The following KIF1B variants were observed in gnomAD, a reference collection of about 807,000 sequenced individuals.
The protein encoded by KIF1B is kinesin-like protein KIF1B.
Under a neutral mutation model 241.9 loss-of-function variants are expected in KIF1B, and 76 were observed. The observed-to-expected ratio is 0.31, with a 90% CI of 0.26 to 0.38. The LOEUF (loss-of-function observed/expected upper bound fraction) is 0.38. Among genes scored for constraint, KIF1B ranks in the 10% least tolerant of loss-of-function variants. The pLI is 1.00. For synonymous variants in KIF1B, 750 were observed against 796.7 expected (o/e 0.94, Z 0.99); for missense variants, 1,622 against 2,271.4 (o/e 0.71, Z 5.81).
chr1:10,334,383 GGC>G lies in KIF1B; in HGVS notation c.2925-136_2925-135del, dbSNP rs1408025928. Reference sequence around the variant, plus strand: ...AAGGCAGCTGGAGGCAAATCTGAGAGGCTAGGACTGAGAAGGGGTCTTAAGAC... The same window carrying G: ...AAGGCAGCTGGAGGCAAATCTGAGAGTAGGACTGAGAAGGGGTCTTAAGAC... On this transcript the variant is annotated intron_variant, in intron 27 of 48. Coordinates refer to ENST00000676179, the MANE Select transcript of KIF1B (RefSeq NM_001365951.3). 5.2e-6 allele frequency: 4 copies of G among 764,930 alleles called. 1 individual carries two copies. In the African/African-American group the frequency reaches 6.8e-5, roughly 13 times the overall value. 47.4% of individuals were successfully genotyped at this position (764,930 alleles called of 1,614,324 possible).
intron 2 of KIF1B, among the ~76,000 whole-genome samples, chr1:10,245,283 G>C (rs1647194373): frequency 6.6e-6 from 1 of 152,202 alleles, no homozygotes; most frequent in Non-Finnish European, 1.5e-5. Flanking sequence ...TAAAATTAGG[G>C]AATTTAGTAG....
intron 1 of KIF1B, among the ~76,000 whole-genome samples, chr1:10,226,631 C>G (rs916144535): frequency 2.0e-5 from 3 of 152,158 alleles, no homozygotes; most frequent in African/African-American, 7.2e-5. Context: ...TCCTTAATAT[C>G]ATCTAATACC....
intron 24 of KIF1B, among the ~76,000 whole-genome samples, chr1:10,323,122 A>G (rs1258799043): frequency 6.6e-6 from 1 of 152,032 alleles, no homozygotes; most frequent in African/African-American, 2.4e-5. Flanking sequence ...TCGGCCTTCT[A>G]GTGTGCTGGG....
At chr1:10,347,622 T>C (rs1652633016) in intron 35 of KIF1B, 139 bp from the exon 36 acceptor site, 1 of 714,920 alleles carries the variant, frequency 1.4e-6, no homozygotes. Flanking sequence ...GATGAGTAAA[T>C]GCAAATGACT....
In KIF1B at chr1:10,297,055, A is replaced by G; in HGVS notation, c.2020A>G (p.Met674Val). 1 of 1,614,064 alleles carries G rather than the reference A, an allele frequency of 6.2e-7. No homozygotes were observed. The highest frequency in any genetic ancestry group is 8.5e-7 in the Non-Finnish European group (1 of 1,180,002). ...RELLEKQGID[M>V]KQEMEKRLQE... ...GCTTCTGGAAAAACAAGGAATTGATATGAAACAAGAGATGGAGAAAAGGTA... is the reference window on the plus strand; with the variant it reads ...GCTTCTGGAAAAACAAGGAATTGATGTGAAACAAGAGATGGAGAAAAGGTA... The change falls in exon 21 of 49, where the codon ATG becomes GTG. Residue 674 changes from methionine to valine, a missense_variant. Met to Val is a conservative substitution (Grantham distance 21). Coordinates refer to ENST00000676179, the MANE Select transcript of KIF1B (RefSeq NM_001365951.3).
intron 2 of KIF1B, among the ~76,000 whole-genome samples, chr1:10,245,922 C>G (rs1179777498): frequency 6.6e-6 from 1 of 152,176 alleles, no homozygotes; most frequent in Non-Finnish European, 1.5e-5. Context: ...GTTGGTTATT[C>G]TTTACCTCCT....
chr1:10,232,780 T>G (rs1215962136), intron 2 of KIF1B, among the ~76,000 whole-genome samples: 1 of 152,156 alleles, frequency 6.6e-6, no homozygotes, highest in African/African-American at 2.4e-5. Flanking sequence ...AGATTCATTG[T>G]TTTTCTTTCT....
At chr1:10,298,105 CA>C (rs1182005480) in intron 22 of KIF1B, among the ~76,000 whole-genome samples, 1 of 152,216 alleles carries the variant, frequency 6.6e-6, no homozygotes, top group Admixed American at 6.5e-5. Context: ...AGAACCTTCT[CA>C]GCATTCATTT....
intron 1 of KIF1B, among the ~76,000 whole-genome samples, chr1:10,227,339 C>T (rs1646923365): frequency 6.6e-6 from 1 of 152,040 alleles, no homozygotes; most frequent in Non-Finnish European, 1.5e-5. Context: ...GGCCCACAAG[C>T]CCAGGGTTAT....
rs575918242 is a variant in KIF1B, at chr1:10,271,757, T to C, written c.798+178T>C. ...TATGGCCCAGAAAACCTAAAATAAT[T>C]TGTGTCTGTCCTTCTACGGAAAAAT... On this transcript the variant is annotated intron_variant, in intron 8 of 48. Transcript: ENST00000676179. Among the ~76,000 whole-genome samples, 15 of 152,308 alleles carry C rather than the reference T, an allele frequency of 9.8e-5. No homozygotes were observed. In the East Asian group the frequency reaches 2.9e-3, roughly 29 times the overall value.
At chr1:10,364,428 C>A (rs1638509356) in intron 41 of KIF1B, among the ~76,000 whole-genome samples, 1 of 151,858 alleles carries the variant, frequency 6.6e-6, no homozygotes, top group Non-Finnish European at 1.5e-5. Flanking sequence ...TGGTCTCGAA[C>A]TCCTGACCTC....
chr1:10,273,726 AAAAAAAAAAAAAAC>A (rs560440845), intron 10 of KIF1B, among the ~76,000 whole-genome samples: 29,789 of 141,332 alleles, frequency 0.21, 4,022 homozygotes, highest in Non-Finnish European at 0.28. Context: ...AAAAAAAAAA[AAAAAAAAAAAAAAC>A]CCAACAAACA....
intron 48 of KIF1B, 114 bp from the exon 49 acceptor site, chr1:10,376,431 C>A: frequency 9.8e-7 from 1 of 1,015,658 alleles, no homozygotes; most frequent in Non-Finnish European, 1.6e-6. Flanking sequence ...AGGACTAGGC[C>A]TGCGGTGCCA....
rs1421634869 is a variant in KIF1B at position 10,374,812 on chromosome 1, C to CTT, written c.5097-38_5097-37dup. On this transcript the variant is annotated intron_variant, in intron 46 of 48. Transcript: ENST00000676179. The surrounding 1 kb of genome is among the most constrained non-coding windows in gnomAD (Gnocchi z 4.3). ...TGATGGTCCTCAGCACGATTATTTT[C>CTT]TTTTTGTGAGAAACTAACTTTTGTC... The CTT allele has an allele frequency of 1.0e-5, 16 of 1,587,608 alleles. No homozygotes were observed. Among genetic ancestry groups the CTT allele is most frequent in the Non-Finnish European group, 1.3e-5 (15 of 1,156,262 alleles).
intron 32 of KIF1B, 108 bp from the exon 33 acceptor site, chr1:10,341,942 A>G (rs2102322130): frequency 1.3e-6 from 1 of 786,998 alleles, no homozygotes; most frequent in Non-Finnish European, 2.2e-6. Context: ...ACAGAGCAAG[A>G]CCTTGCCTCA....
intron 37 of KIF1B, among the ~76,000 whole-genome samples, chr1:10,351,552 G>A (rs540281353): frequency 1.4e-4 from 21 of 152,338 alleles, no homozygotes; most frequent in African/African-American, 4.8e-4. Context: ...ACAGGTGGTA[G>A]GAGTTGGAAC....
rs922969013 is a variant in KIF1B at position 10,337,685 on chromosome 1, G to A, written c.3422+152G>A. 13 of 885,848 alleles carry A rather than the reference G, an allele frequency of 1.5e-5. No individual in the cohort carries two copies. The highest frequency in any genetic ancestry group is 2.1e-5 in the Non-Finnish European group (12 of 574,642). The allele number at this position is 885,848 out of a possible 1,614,324, so 54.9% of individuals were successfully genotyped here. A position where few individuals can be genotyped will look rare whatever the true frequency, so the allele number is the denominator to read the frequency against. On this transcript the variant is annotated intron_variant, in intron 31 of 48. Transcript: ENST00000676179. This position sits in a 1 kb window ranked among gnomAD's most constrained non-coding sequence, Gnocchi z 4.0. ...AGGAAAATACTTTCATCACTCCTAT[G>A]GGAGTGAGAACCAGAAACCTGTCCT...
At chr1:10,212,985 CTA>C (rs1360519316) in intron 1 of KIF1B, among the ~76,000 whole-genome samples, 5 of 147,996 alleles carry the variant, frequency 3.4e-5, no homozygotes, top group East Asian at 4.0e-4. Flanking sequence ...GGTCTTAACA[CTA>C]TTTTTTTGTT....
intron 43 of KIF1B, among the ~76,000 whole-genome samples, chr1:10,366,800 G>A (rs1052199677): frequency 9.9e-5 from 15 of 152,074 alleles, no homozygotes; most frequent in South Asian, 2.1e-4. Flanking sequence ...GTGAAACCCC[G>A]TGTCTACTAA....
Sources: gnomAD v4.1 joint callset for allele counts (sites outside exome capture counted in the v4.1 genomes callset) on GRCh38, gnomAD v4.1.1 for gene constraint, Gnocchi (gnomAD v3.1) non-coding constraint, MANE v1.5 for transcripts, NCBI Gene and HGNC (gene_info 2026-07-23, HGNC 2026-07-21) for gene names.